The following SYCE1L variants were observed in gnomAD, a reference collection of about 807,000 sequenced individuals.
SYCE1L encodes the protein synaptonemal complex central element protein 1-like.
Under a neutral mutation model 39.6 loss-of-function variants are expected in SYCE1L, and 51 were observed. The observed-to-expected ratio is 1.29, with a 90% confidence interval of 1.03 to 1.63. The LOEUF is 1.63. SYCE1L is among the 40% of genes most tolerant of loss of function. SYCE1L has a pLI of 0.00. For missense variants in SYCE1L, 426 were observed against 304.9 expected, an observed-to-expected ratio of 1.40 and a Z score of -2.96; for synonymous variants, 147 against 122.4, an observed-to-expected ratio of 1.20 and a Z score of -1.33.
intron 9 of SYCE1L, 26 bp downstream of exon 9, chr16:77,212,395 G>C (rs1363878251): frequency 2.0e-6 from 3 of 1,526,336 alleles, no homozygotes; most frequent in Non-Finnish European, 2.6e-6. Context: ...AGGAGTGGGC[G>C]AGGAGGGCAG....
At chr16:77,204,278 G>A (rs561645285) in intron 1 of SYCE1L, among the ~76,000 whole-genome samples, 66 of 152,200 alleles carry the variant, frequency 4.3e-4, no homozygotes, top group Non-Finnish European at 7.6e-4. Context: ...CAAGGATGGT[G>A]TACTAGGTTA....
At chr16:77,210,716 T>A (rs2054816511) in intron 6 of SYCE1L, among the ~76,000 whole-genome samples, 1 of 152,112 alleles carries the variant, frequency 6.6e-6, no homozygotes, top group South Asian at 2.1e-4. Flanking sequence ...GCAGAGTTCA[T>A]TCCATGGGGG....
intron 2 of SYCE1L, 97 bp downstream of exon 2, chr16:77,206,597 T>G (rs931985499): frequency 4.2e-6 from 5 of 1,184,028 alleles, no homozygotes; most frequent in Middle Eastern, 1.9e-4. Context: ...CTCAGGAAAT[T>G]ATCCCATTGC....
chr16:77,208,301 G>A, intron 3 of SYCE1L, 32 bp downstream of exon 3: 1 of 1,550,604 alleles, frequency 6.4e-7, no homozygotes, highest in East Asian at 2.4e-5. Flanking sequence ...GGCCAGCTGG[G>A]GCGAGCAGGA....
intron 5 of SYCE1L, 33 bp downstream of exon 5, chr16:77,209,177 A>T: frequency 6.5e-7 from 1 of 1,549,654 alleles, no homozygotes. Context: ...TCCTTATTCT[A>T]CTCTTCCACC....
Position 77,212,196 on chromosome 16 carries a change from G to A in SYCE1L, c.490G>A (p.Glu164Lys), listed in dbSNP as rs1314731012. The change falls in exon 8 of 11, where the codon GAG (glutamate) becomes AAG (lysine). Residue 164 changes from glutamate to lysine, a missense_variant. By Grantham distance (56) the Glu-to-Lys change is moderately conservative. Coordinates refer to ENST00000378644, the MANE Select transcript of SYCE1L (RefSeq NM_001129979.3). Reference sequence around the variant, plus strand: ...GAGAAGCAAGGAGCAGCTGCTCTCGGAGAGTGAGCCTCCCGCGCCAGGTGG... The same window carrying A: ...GAGAAGCAAGGAGCAGCTGCTCTCGAAGAGTGAGCCTCCCGCGCCAGGTGG... ...LERSKEQLLSERRLVRAKLRE... is the reference protein window; with the variant it reads ...LERSKEQLLSKRRLVRAKLRE... 1.1e-5 allele frequency: 17 copies of A among 1,547,800 alleles called. No homozygotes were observed. The highest frequency in any genetic ancestry group is 1.4e-5 in the African/African-American group (1 of 72,886).
Position 77,212,324 on chromosome 16 carries a change from T to C in SYCE1L, c.536T>C (p.Leu179Pro). The part of the protein sequence containing the change: ...RAKLREVERR[L>P]HSPPEVEGAM... ...AAGCTGCGGGAGGTGGAGCGGCGGC[T>C]GCACTCGCCGCCTGAGGTCGAGGGC... is the stretch of plus-strand genomic sequence containing the variant. Residue 179 changes from leucine to proline, a missense_variant, in exon 9 of 11, where the codon CTG (leucine) becomes CCG (proline). Coordinates refer to ENST00000378644, the MANE Select transcript of SYCE1L (RefSeq NM_001129979.3). 6.6e-7 allele frequency: 1 copy of C among 1,522,138 alleles called. No homozygotes were observed. Among genetic ancestry groups the C allele is most frequent in the Non-Finnish European group, 8.8e-7 (1 of 1,136,778 alleles). The allele number at this position is 1,522,138 out of a possible 1,614,324, so 94.3% of individuals were successfully genotyped here.
chr16:77,209,062 T>C (rs1379099484), intron 4 of SYCE1L, 35 bp from the exon 5 acceptor site: 1 of 1,551,138 alleles, frequency 6.4e-7, no homozygotes, highest in South Asian at 1.2e-5. Context: ...GGCAATGGGG[T>C]GCCTGGAGGC....
intron 3 of SYCE1L, 40 bp from the exon 4 acceptor site, chr16:77,208,425 G>A: frequency 1.3e-6 from 2 of 1,550,390 alleles, no homozygotes; most frequent in Non-Finnish European, 8.7e-7. Context: ...CAAGGCTAGA[G>A]ACTACACTCA....
intron 1 of SYCE1L, among the ~76,000 whole-genome samples, chr16:77,203,299 TTTTTA>T (rs2054759736): frequency 6.6e-6 from 1 of 152,184 alleles, no homozygotes; most frequent in Admixed American, 6.5e-5. Context: ...AGACTTTTCC[TTTTTA>T]TTTTATTCTT....
intron 2 of SYCE1L, 74 bp downstream of exon 2, chr16:77,206,574 C>G: frequency 6.9e-7 from 1 of 1,441,318 alleles, no homozygotes; most frequent in Non-Finnish European, 9.5e-7. Context: ...ATTCAGCCCC[C>G]TGAACTCACA....
chr16:77,202,600 G>A (rs916896346), intron 1 of SYCE1L, among the ~76,000 whole-genome samples: 1 of 152,164 alleles, frequency 6.6e-6, no homozygotes, highest in Non-Finnish European at 1.5e-5. Flanking sequence ...AAGATGTGGA[G>A]ACAATTGGGA....
At position 77,212,861 on chromosome 16, in the gene SYCE1L, G is replaced by A; in HGVS notation, c.659G>A (p.Gly220Glu). The change falls in exon 11 of 11, where the codon GGA (glycine) becomes GAA (glutamate). Residue 220 changes from glycine (G) to glutamate (E), a missense_variant. By Grantham distance (98) the Gly-to-Glu change is moderately conservative. Coordinates refer to ENST00000378644, the MANE Select transcript of SYCE1L (RefSeq NM_001129979.3). Reference protein sequence around the residue: ...PEVGAGEGEAGPELPRARDEE... With the variant: ...PEVGAGEGEAEPELPRARDEE... ...GCCTCACCCAGCCCCCGGCAGGCCG[G>A]ACCTGAGCTCCCCCGCGCTCGCGAC... 1 of 1,516,984 alleles carries A rather than the reference G, an allele frequency of 6.6e-7. No individual in the cohort carries two copies. Among genetic ancestry groups the A allele is most frequent in the Non-Finnish European group, 8.8e-7 (1 of 1,134,814 alleles). The allele number at this position is 1,516,984 out of a possible 1,614,324, so 94.0% of individuals were successfully genotyped here.
At chr16:77,211,400 C>A in intron 7 of SYCE1L, 124 bp downstream of exon 7, 1 of 1,165,650 alleles carries the variant, frequency 8.6e-7, no homozygotes, top group South Asian at 1.3e-5. Context: ...TTCCTTGCTT[C>A]CGCTTGCCCA....
At position 77,213,100 on chromosome 16, in the gene SYCE1L, T is replaced by A; in HGVS notation, c.*169T>A. ...GCCTCTGCCGGACCCCTCCCACCAG[T>A]CGAGCCCCGGGCGCCGTACAGAGGC... On this transcript the variant is annotated 3_prime_UTR_variant, in exon 11 of 11. Coordinates refer to ENST00000378644, the MANE Select transcript of SYCE1L (RefSeq NM_001129979.3). The A allele has an allele frequency of 1.6e-6, 1 of 623,570 alleles. No homozygotes were observed. The highest frequency in any genetic ancestry group is 2.4e-6 in the Non-Finnish European group (1 of 412,906). 38.6% of individuals were successfully genotyped at this position (623,570 alleles called of 1,614,324 possible). A position where few individuals can be genotyped will look rare whatever the true frequency, so the allele number is the denominator to read the frequency against.
rs1233268608 is a variant in SYCE1L at position 77,209,205 on chromosome 16, C to G, written c.304+61C>G. On this transcript the variant is annotated intron_variant, in intron 5 of 10. Transcript: ENST00000378644. ...CTTCCACCCCACAAAAGTCTATGCT[C>G]CTCAGAGCAGCCAGAGGAATCCCAC... is the stretch of plus-strand genomic sequence containing the variant. 3.9e-6 allele frequency: 6 copies of G among 1,528,854 alleles called. No homozygotes were observed. The East Asian group carries it at 7.4e-5, about 19-fold the overall frequency. The allele number at this position is 1,528,854 out of a possible 1,614,324, so 94.7% of individuals were successfully genotyped here. A position where few individuals can be genotyped will look rare whatever the true frequency, so the allele number is the denominator to read the frequency against.
chr16:77,210,127 T>C (rs2054812476), intron 6 of SYCE1L, among the ~76,000 whole-genome samples: 1 of 152,226 alleles, frequency 6.6e-6, no homozygotes, highest in African/African-American at 2.4e-5. Context: ...CAGTCAACTG[T>C]CTATCCAACC....
intron 1 of SYCE1L, chr16:77,202,375 T>A (rs2054752066): frequency 6.6e-6 from 1 of 152,232 alleles, no homozygotes; most frequent in Admixed American, 6.5e-5. Flanking sequence ...TGCAATTGTT[T>A]CAAAATAAAA....
At chr16:77,202,572 C>G (rs2054754027) in intron 1 of SYCE1L, among the ~76,000 whole-genome samples, 1 of 152,040 alleles carries the variant, frequency 6.6e-6, no homozygotes, top group South Asian at 2.1e-4. Flanking sequence ...GAAATGGTTG[C>G]AAATGCCAGC....
Sources: gnomAD v4.1 joint callset for allele counts (sites outside exome capture counted in the v4.1 genomes callset) on GRCh38, gnomAD v4.1.1 for gene constraint, MANE v1.5 for transcripts, NCBI Gene and HGNC (gene_info 2026-07-23, HGNC 2026-07-21) for gene names.